The following ATAD2 variants were observed in gnomAD, a reference collection of about 807,000 sequenced individuals.
ATAD2 encodes ATPase family AAA domain containing 2.
In ATAD2, 62 loss-of-function variants were observed where a neutral mutation model predicts 168.9. The observed-to-expected ratio is 0.37, with a 90% CI of 0.30 to 0.45. The LOEUF (loss-of-function observed/expected upper bound fraction) is 0.45, where lower values mean the gene tolerates loss of function less well. Among genes scored for constraint, ATAD2 ranks in the 20% least tolerant of loss-of-function variants. The pLI is 1.00. For missense variants in ATAD2, 1,419 were observed against 1,667.8 expected, an observed-to-expected ratio of 0.85 and a Z score of 2.60; for synonymous variants, 613 against 571.6, an observed-to-expected ratio of 1.07 and a Z score of -1.03.
At chr8:123,345,520 A>T (rs1268113875) in intron 18 of ATAD2, among the ~76,000 whole-genome samples, 5 of 151,064 alleles carry the variant, frequency 3.3e-5, no homozygotes, top group Non-Finnish European at 4.4e-5. Context: ...AAAAAAAAAA[A>T]AAAAAAATTA....
intron 13 of ATAD2, among the ~76,000 whole-genome samples, chr8:123,354,865 ATATAT>A (rs1257988540): frequency 7.4e-5 from 4 of 53,826 alleles, no homozygotes; most frequent in African/African-American, 2.1e-4. Flanking sequence ...AAAAAAAAAA[ATATAT>A]ATATATATAT....
intron 4 of ATAD2, 38 bp downstream of exon 4, chr8:123,371,632 A>C (rs1395704846): frequency 1.7e-5 from 27 of 1,551,400 alleles, no homozygotes; most frequent in Non-Finnish European, 2.3e-5. Flanking sequence ...AAAGTCTCTG[A>C]CAGATAAATC....
chr8:123,333,435 G>A (rs1314386429), intron 24 of ATAD2, among the ~76,000 whole-genome samples: 2 of 148,372 alleles, frequency 1.3e-5, no homozygotes, highest in Admixed American at 6.7e-5. Flanking sequence ...AAAAAAAAGG[G>A]TAGTGAGGAA....
At chr8:123,351,350 A>G (rs1438025742) in intron 13 of ATAD2, among the ~76,000 whole-genome samples, 1 of 152,150 alleles carries the variant, frequency 6.6e-6, no homozygotes, top group Non-Finnish European at 1.5e-5. Context: ...GCTGTCCTGT[A>G]CGTGTAAGAT....
chr8:123,408,292 C>G (rs1340841979), intron 1 of ATAD2, among the ~76,000 whole-genome samples: 2 of 152,158 alleles, frequency 1.3e-5, no homozygotes, highest in African/African-American at 4.8e-5. Flanking sequence ...CAGCCTCCTT[C>G]TGTGGAAATC....
At chr8:123,415,029 T>G (rs1043952025) in intron 1 of ATAD2, among the ~76,000 whole-genome samples, 2 of 152,250 alleles carry the variant, frequency 1.3e-5, no homozygotes, top group African/African-American at 4.8e-5. Flanking sequence ...AACGAGGTTC[T>G]GTTTTGATGT....
At chr8:123,361,690 G>A (rs1828830188) in intron 8 of ATAD2, 44 bp from the exon 9 acceptor site, 6 of 1,490,020 alleles carry the variant, frequency 4.0e-6, no homozygotes, top group Non-Finnish European at 5.6e-6. Flanking sequence ...GGAAGGGCAG[G>A]AAAAAGAAAA....
intron 13 of ATAD2, among the ~76,000 whole-genome samples, chr8:123,353,467 C>A (rs1279498665): frequency 6.6e-6 from 1 of 152,176 alleles, no homozygotes; most frequent in Non-Finnish European, 1.5e-5. Flanking sequence ...ATATTTCTAT[C>A]TACTGTAGTC....
intron 19 of ATAD2, among the ~76,000 whole-genome samples, chr8:123,339,986 C>T (rs908917563): frequency 4.6e-5 from 7 of 152,044 alleles, no homozygotes; most frequent in Non-Finnish European, 8.8e-5. Flanking sequence ...TCAGACTGGG[C>T]TCAAGCAATC....
At chr8:123,408,267 G>A (rs1380377325) in intron 1 of ATAD2, among the ~76,000 whole-genome samples, 1 of 152,154 alleles carries the variant, frequency 6.6e-6, no homozygotes. Context: ...GGGTGGGTTT[G>A]GTTTAGGCAG....
intron 1 of ATAD2, among the ~76,000 whole-genome samples, chr8:123,408,678 G>A (rs973865433): frequency 6.6e-6 from 1 of 151,912 alleles, no homozygotes; most frequent in African/African-American, 2.4e-5. Context: ...CACCATGCCC[G>A]GCTACTTTTT....
rs959937885 is a variant in ATAD2 at position 123,349,273 on chromosome 8, T to C, written c.1806+12A>G. 1.9e-6 allele frequency: 3 copies of C among 1,607,998 alleles called. No homozygotes were observed. The highest frequency in any genetic ancestry group is 1.7e-5 in the Admixed American group (1 of 57,730). ...ATATTTTGTCAAAATTTGAGTGACA[T>C]TAAATTCTTACCTCTTTATCAGGCA... On this transcript the variant is annotated intron_variant, in intron 14 of 27. Coordinates refer to ENST00000287394, the MANE Select transcript of ATAD2 (RefSeq NM_014109.4).
chr8:123,400,518 C>T (rs1296170581), upstream of ATAD2: 4 of 399,522 alleles, frequency 1.0e-5, no homozygotes, highest in East Asian at 2.5e-4. The surrounding 1 kb of genome is among the most constrained non-coding windows in gnomAD (Gnocchi z 4.5). Context: ...AAATAGCCTG[C>T]CCTGGCAGGC....
chr8:123,358,322 A>T (rs1828709658), intron 11 of ATAD2, among the ~76,000 whole-genome samples: 1 of 151,826 alleles, frequency 6.6e-6, no homozygotes, highest in Admixed American at 6.6e-5. Flanking sequence ...CTGGAATCAC[A>T]GGTGTGAGCC....
intron 1 of ATAD2, among the ~76,000 whole-genome samples, chr8:123,381,947 G>C (rs1365826006): frequency 6.6e-6 from 1 of 152,144 alleles, no homozygotes; most frequent in Non-Finnish European, 1.5e-5. Context: ...TTGGGAGGCT[G>C]AGGCAAGAGA....
At chr8:123,328,849 G>A (rs1018972341) in intron 24 of ATAD2, among the ~76,000 whole-genome samples, 1 of 133,084 alleles carries the variant, frequency 7.5e-6, no homozygotes, top group Non-Finnish European at 1.5e-5. Flanking sequence ...TGCCCAGGCT[G>A]GAGTGCAGTG....
At chr8:123,355,120 C>T (rs957225385) in intron 13 of ATAD2, among the ~76,000 whole-genome samples, 1 of 151,642 alleles carries the variant, frequency 6.6e-6, no homozygotes, top group African/African-American at 2.4e-5. Flanking sequence ...CATGCAGAGA[C>T]AAAACTACTT....
chr8:123,346,964 T>C, intron 16 of ATAD2, 128 bp downstream of exon 16: 1 of 1,170,842 alleles, frequency 8.5e-7, no homozygotes. Flanking sequence ...CCTTCAAATA[T>C]CCCAGGTAAA....
chr8:123,376,628 T>C (rs1300612458), intron 2 of ATAD2, among the ~76,000 whole-genome samples: 1 of 152,150 alleles, frequency 6.6e-6, no homozygotes, highest in East Asian at 1.9e-4. Flanking sequence ...TTGTATGGTG[T>C]ATAAATTATA....
Sources: allele counts gnomAD v4.1 joint callset (sites outside exome capture counted in the v4.1 genomes callset), GRCh38; gene constraint gnomAD v4.1.1; non-coding constraint Gnocchi (gnomAD v3.1); transcripts MANE v1.5; gene names NCBI Gene and HGNC (gene_info 2026-07-23, HGNC 2026-07-21).